ERICH1: variants seen among roughly 807,000 people sequenced by gnomAD.
The protein encoded by ERICH1 is glutamate rich 1.
A neutral mutation model predicts 39.6 loss-of-function variants in ERICH1; 56 were observed. The ratio of observed to expected loss-of-function variants is 1.41; its 90% CI spans 1.14 to 1.77. ERICH1 has a LOEUF of 1.77. Ranked by LOEUF, ERICH1 falls within the 40% of genes most tolerant of loss-of-function variation. The pLI, the probability that ERICH1 is intolerant of heterozygous loss-of-function variation, is 0.00. For missense variants in ERICH1, 826 were observed against 575.4 expected (o/e 1.44, Z -4.45); for synonymous variants, 313 against 223.6 (o/e 1.40, Z -3.57).
intron 3 of ERICH1, chr8:690,790 T>A (rs1306308747): frequency 6.6e-6 from 1 of 152,406 alleles, no homozygotes; most frequent in Non-Finnish European, 1.5e-5. Flanking sequence ...TTCCTGGGAG[T>A]TGACGTGTGG....
At chr8:628,475 T>TCA (rs2117080633) in intron 3 of ERICH1, among the ~76,000 whole-genome samples, 1 of 152,326 alleles carries the variant, frequency 6.6e-6, no homozygotes, top group South Asian at 2.1e-4. Flanking sequence ...AGAGGGCATG[T>TCA]GGCTGCTCCC....
chr8:616,547 T>G (rs1796908508), intron 3 of ERICH1: 1 of 455,392 alleles, frequency 2.2e-6, no homozygotes, highest in Non-Finnish European at 4.4e-6. Context: ...CACGCACATC[T>G]GGGAACTGGA....
In ERICH1 at chr8:697,791, T is replaced by TGCA. The variant is rs1041052993; in HGVS notation, c.170-5182_170-5180dup. Among the ~76,000 whole-genome samples, 56 of 150,808 alleles carry TGCA rather than the reference T, an allele frequency of 3.7e-4. 1 individual carries two copies. Among genetic ancestry groups the TGCA allele is most frequent in the Admixed American group, 8.6e-4 (13 of 15,186 alleles). On this transcript the variant is annotated intron_variant, in intron 2 of 5. Transcript: ENST00000262109. ...GTTTTCCCTGAGCAGATTCGGGACA[T>TGCA]GCAGCAGCAGCAGCACGTGGGTCTG... is the stretch of plus-strand genomic sequence containing the variant.
chr8:706,849 T>C (rs1461677011), intron 2 of ERICH1, among the ~76,000 whole-genome samples: 1 of 152,180 alleles, frequency 6.6e-6, no homozygotes, highest in Non-Finnish European at 1.5e-5. Flanking sequence ...TAAAAAGAAC[T>C]TAAATAAACA....
intron 5 of ERICH1, chr8:668,284 A>G (rs1802589045): frequency 5.2e-6 from 2 of 385,004 alleles, no homozygotes; most frequent in Non-Finnish European, 9.7e-6. Flanking sequence ...CCACAGCAGT[A>G]GAGGAGAAGG....
At chr8:687,694 C>T (rs1252506648) in intron 3 of ERICH1, among the ~76,000 whole-genome samples, 1 of 152,146 alleles carries the variant, frequency 6.6e-6, no homozygotes, top group Non-Finnish European at 1.5e-5. Flanking sequence ...CTGACCGGAC[C>T]CAGGGCTGAA....
chr8:626,840 T>C (rs554540759), intron 3 of ERICH1: 1 of 261,830 alleles, frequency 3.8e-6, no homozygotes, highest in Non-Finnish European at 8.0e-6. Context: ...TTTGGTCTCT[T>C]AATCTCGGAG....
intron 2 of ERICH1, among the ~76,000 whole-genome samples, chr8:695,114 G>A (rs924852266): frequency 2.0e-5 from 3 of 152,058 alleles, no homozygotes; most frequent in Non-Finnish European, 2.9e-5. Context: ...CATTGACCTG[G>A]CTCCTTTCTC....
intron 3 of ERICH1, among the ~76,000 whole-genome samples, chr8:679,864 G>C (rs1268060868): frequency 1.4e-5 from 2 of 144,522 alleles, no homozygotes; most frequent in Admixed American, 1.4e-4. Flanking sequence ...AGATGCAAGA[G>C]AATCCACAGC....
At chr8:669,976 C>T (rs189199432) in intron 4 of ERICH1, among the ~76,000 whole-genome samples, 171 of 152,246 alleles carry the variant, frequency 1.1e-3, no homozygotes, top group African/African-American at 3.9e-3. Context: ...GTCCTGCCCC[C>T]GCTCCGTCCT....
intron 2 of ERICH1, among the ~76,000 whole-genome samples, chr8:701,335 G>A (rs887745316): frequency 1.3e-5 from 2 of 151,672 alleles, no homozygotes; most frequent in African/African-American, 2.4e-5. Flanking sequence ...CTGGACGGGA[G>A]CACGCCGTAC....
intron 3 of ERICH1, among the ~76,000 whole-genome samples, chr8:680,947 C>T (rs1472759139): frequency 6.6e-6 from 1 of 152,210 alleles, no homozygotes; most frequent in Non-Finnish European, 1.5e-5. Context: ...CACAAGGAGA[C>T]CTGGTGGTGA....
rs1307633114 is a variant in ERICH1 at position 645,181 on chromosome 8, T to C, written c.976+23417A>G. Among the ~76,000 whole-genome samples the C allele has an allele frequency of 2.9e-5, 2 of 68,208 alleles. 1 individual carries two copies. The highest frequency in any genetic ancestry group is 6.1e-4 in the East Asian group (2 of 3,262). 44.7% of individuals were successfully genotyped at this position (68,208 alleles called of 152,430 possible). On this transcript the variant is annotated intron_variant, in intron 3 of 3. Transcript: ENST00000522706. ...TCTCTGCAGGGAAGACCCCTTTCCC[T>C]CGGCTGGCACTGGAGTCCGCGTTGA...
intron 3 of ERICH1, chr8:625,759 T>C (rs1190595037): frequency 6.6e-6 from 1 of 152,208 alleles, no homozygotes; most frequent in Non-Finnish European, 1.5e-5. Context: ...TGTAGGCCTG[T>C]CTCAAGTGTT....
intron 3 of ERICH1, chr8:627,317 G>C: frequency 2.4e-6 from 1 of 423,824 alleles, no homozygotes; most frequent in Non-Finnish European, 4.9e-6. Context: ...GCAGACGAAG[G>C]GCTTGAGTGA....
chr8:727,450 C>G (rs1380855477), intron 1 of ERICH1, among the ~76,000 whole-genome samples: 1 of 152,216 alleles, frequency 6.6e-6, no homozygotes, highest in Non-Finnish European at 1.5e-5. Flanking sequence ...GGAAGTGTGA[C>G]TGCTCACAGC....
At chr8:631,589 T>A (rs926489991) in intron 3 of ERICH1, among the ~76,000 whole-genome samples, 2 of 152,200 alleles carry the variant, frequency 1.3e-5, no homozygotes, top group African/African-American at 4.8e-5. Flanking sequence ...CAATAGACAC[T>A]GCCAGGGAGT....
downstream of ERICH1, among the ~76,000 whole-genome samples, chr8:663,138 T>G (rs1801679736): frequency 6.6e-6 from 1 of 152,326 alleles, no homozygotes. Context: ...GCCAGAAACA[T>G]CCCTGTTTCA....
chr8:692,593 C>G lies in ERICH1; in HGVS notation c.189G>C (p.Pro63=). The G allele has an allele frequency of 6.2e-7, 1 of 1,603,982 alleles. No individual in the cohort carries two copies. The highest frequency in any genetic ancestry group is 1.1e-5 in the South Asian group (1 of 90,304). ...TGGCAGTGTAGAGCCGTCGGGCAGT[C>G]GGGGTCTCAGAGCCAGTGTCTGCAA... is the stretch of plus-strand genomic sequence containing the variant. The part of the protein sequence containing the change: ...EPLTDTGSET[P]TARRLYTASG... Residue 63 remains proline (P), a synonymous_variant, in exon 3 of 6, where the codon CCG becomes CCC. Transcript: ENST00000262109.
Sources: allele counts gnomAD v4.1 joint callset (sites outside exome capture counted in the v4.1 genomes callset), GRCh38; gene constraint gnomAD v4.1.1; transcripts MANE v1.5; gene names NCBI Gene and HGNC (gene_info 2026-07-23, HGNC 2026-07-21).